The following CPNE4 variants were observed in gnomAD, a reference collection of about 807,000 sequenced individuals.
CPNE4 encodes the protein copine 4, also known as copine-4.
Under a neutral mutation model 67.9 loss-of-function variants are expected in CPNE4, and 25 were observed. The observed-to-expected ratio is 0.37, with a 90% CI of 0.27 to 0.51. The LOEUF (loss-of-function observed/expected upper bound fraction) is 0.51. Among genes scored for constraint, CPNE4 ranks in the 20% least tolerant of loss-of-function variants. CPNE4 has a pLI of 0.93. For missense variants in CPNE4, 464 were observed against 690.8 expected, an observed-to-expected ratio of 0.67 and a Z score of 3.68; for synonymous variants, 242 against 244.9, an observed-to-expected ratio of 0.99 and a Z score of 0.11.
At position 131,840,932 on chromosome 3, in the gene CPNE4, C is replaced by G. The variant is rs557084506; in HGVS notation, c.180+64332G>C. On this transcript the variant is annotated intron_variant, in intron 2 of 15. Coordinates refer to ENST00000429747, the MANE Select transcript of CPNE4 (RefSeq NM_130808.3). ...TTCCTTCTCTTTCTGCTCTCTCCCTCCTGCCTGCACCCACACATTTCTCTG... is the reference window on the plus strand; with the variant it reads ...TTCCTTCTCTTTCTGCTCTCTCCCTGCTGCCTGCACCCACACATTTCTCTG... 1.1e-4 allele frequency among the ~76,000 whole-genome samples: 17 copies of G among 152,258 alleles called. 1 individual carries two copies. Among genetic ancestry groups the G allele is most frequent in the Admixed American group, 5.2e-4 (8 of 15,288 alleles).
At chr3:131,800,593 G>A (rs1215520989) in intron 2 of CPNE4, among the ~76,000 whole-genome samples, 1 of 152,142 alleles carries the variant, frequency 6.6e-6, no homozygotes, top group Non-Finnish European at 1.5e-5. Context: ...GAATAGCCCT[G>A]CATGAGGCCC....
chr3:131,763,038 A>T (rs150496676), intron 2 of CPNE4, among the ~76,000 whole-genome samples: 232 of 152,194 alleles, frequency 1.5e-3, no homozygotes, highest in Middle Eastern at 6.8e-3. Flanking sequence ...ACAAAAAAAC[A>T]ATCTTTTCTA....
intron 2 of CPNE4, among the ~76,000 whole-genome samples, chr3:131,777,502 G>A (rs2083319953): frequency 1.3e-5 from 2 of 151,954 alleles, no homozygotes; most frequent in South Asian, 2.1e-4. Flanking sequence ...GGTAGATGAG[G>A]TTGTCCTGCT....
rs370757027 is a variant in CPNE4, at chr3:131,958,904, C to T, written c.-1-53460G>A. On this transcript the variant is annotated intron_variant, in intron 1 of 15. Coordinates refer to ENST00000429747, the MANE Select transcript of CPNE4 (RefSeq NM_130808.3). ...CGAACTCCCGACCTCGTGATTCGCC[C>T]GACTTGGCCTCCCAAAGTGCTACAA... Among the ~76,000 whole-genome samples, 7 of 149,284 alleles carry T rather than the reference C, an allele frequency of 4.7e-5. No homozygotes were observed. In the East Asian group the frequency reaches 9.9e-4, roughly 21 times the overall value.
At chr3:132,036,128 T>C (rs1047055508), upstream of CPNE4, among the ~76,000 whole-genome samples, 1 of 152,142 alleles carries the variant, frequency 6.6e-6, no homozygotes, top group African/African-American at 2.4e-5. Flanking sequence ...ACAAATAACA[T>C]TTTTCTTCTT....
At chr3:131,909,675 C>T (rs2088904290) in intron 1 of CPNE4, among the ~76,000 whole-genome samples, 1 of 152,036 alleles carries the variant, frequency 6.6e-6, no homozygotes, top group African/African-American at 2.4e-5. Flanking sequence ...TCTCGTTGGC[C>T]ATCATACTTG....
intron 7 of CPNE4, among the ~76,000 whole-genome samples, chr3:131,594,275 G>A (rs1009522904): frequency 3.3e-5 from 5 of 152,116 alleles, no homozygotes; most frequent in Admixed American, 3.3e-4. Context: ...AAATCTGGTG[G>A]CATCACATTT....
At chr3:131,561,945 T>C (rs553303401) in intron 11 of CPNE4, among the ~76,000 whole-genome samples, 80 of 152,196 alleles carry the variant, frequency 5.3e-4, no homozygotes, top group African/African-American at 1.9e-3. Flanking sequence ...TCAATCCTCC[T>C]TCTTCTTCCT....
intron 2 of CPNE4, among the ~76,000 whole-genome samples, chr3:131,765,084 A>T (rs1171627386): frequency 2.6e-5 from 4 of 152,106 alleles, no homozygotes; most frequent in African/African-American, 4.8e-5. Flanking sequence ...TTCTAGCATG[A>T]GGGCCTGTGA....
At chr3:131,799,789 G>A (rs1366639195) in intron 2 of CPNE4, among the ~76,000 whole-genome samples, 1 of 152,106 alleles carries the variant, frequency 6.6e-6, no homozygotes, top group Non-Finnish European at 1.5e-5. Flanking sequence ...TAACGAAGTG[G>A]CCAATGCCAG....
chr3:132,024,444 C>T (rs2074073064), intron 1 of CPNE4, among the ~76,000 whole-genome samples: 1 of 152,012 alleles, frequency 6.6e-6, no homozygotes, highest in African/African-American at 2.4e-5. Flanking sequence ...GTTTGAGCAC[C>T]TATGTTTTAG....
intron 2 of CPNE4, among the ~76,000 whole-genome samples, chr3:131,839,692 T>G (rs1183371412): frequency 2.6e-5 from 4 of 152,126 alleles, no homozygotes; most frequent in Non-Finnish European, 2.9e-5. Context: ...ACACATGGGT[T>G]TGTCACAGCA....
intron 1 of CPNE4, among the ~76,000 whole-genome samples, chr3:132,029,509 T>C (rs1296126776): frequency 6.6e-6 from 1 of 152,182 alleles, no homozygotes; most frequent in Admixed American, 6.5e-5. Context: ...CAGCTCTCTC[T>C]AGTCCGTCCT....
In CPNE4 at chr3:131,977,324, C is replaced by G. The variant is rs912077512; in HGVS notation, c.-2+57243G>C. Reference sequence around the variant, plus strand: ...CCACATAGTTGATGATTAGTCCAAGCAAGACACCATTTTGTTGTCACAGTA... The same window carrying G: ...CCACATAGTTGATGATTAGTCCAAGGAAGACACCATTTTGTTGTCACAGTA... On this transcript the variant is annotated intron_variant, in intron 1 of 15. Coordinates refer to ENST00000429747, the MANE Select transcript of CPNE4 (RefSeq NM_130808.3). 5.3e-5 allele frequency among the ~76,000 whole-genome samples: 8 copies of G among 152,092 alleles called. No individual in the cohort carries two copies. The South Asian group carries it at 1.7e-3, about 31-fold the overall frequency.
chr3:131,858,674 G>A (rs2086551179), intron 2 of CPNE4, among the ~76,000 whole-genome samples: 1 of 152,052 alleles, frequency 6.6e-6, no homozygotes, highest in Non-Finnish European at 1.5e-5. Context: ...TCTTCCCAAG[G>A]TTATGGCAAC....
chr3:131,825,943 C>T (rs1356960999), intron 2 of CPNE4, among the ~76,000 whole-genome samples: 1 of 152,186 alleles, frequency 6.6e-6, no homozygotes, highest in African/African-American at 2.4e-5. Context: ...GCCCTTGGGT[C>T]TTTATAGGCC....
At chr3:131,971,058 C>T (rs1032527306) in intron 1 of CPNE4, among the ~76,000 whole-genome samples, 3 of 152,186 alleles carry the variant, frequency 2.0e-5, no homozygotes, top group African/African-American at 7.2e-5. Context: ...GGTCACTCAG[C>T]GGTGTTCATC....
intron 2 of CPNE4, among the ~76,000 whole-genome samples, chr3:131,824,202 A>G (rs1287903478): frequency 2.0e-5 from 3 of 152,236 alleles, no homozygotes; most frequent in African/African-American, 7.2e-5. Context: ...GAGAAGCCCC[A>G]TCTAACACTG....
chr3:131,613,298 T>C (rs996542430), intron 7 of CPNE4, among the ~76,000 whole-genome samples: 1 of 152,196 alleles, frequency 6.6e-6, no homozygotes, highest in Non-Finnish European at 1.5e-5. Context: ...CACAAAACCA[T>C]ACATTTTTCA....
Sources: allele counts gnomAD v4.1 joint callset (sites outside exome capture counted in the v4.1 genomes callset), GRCh38; gene constraint gnomAD v4.1.1; transcripts MANE v1.5; gene names NCBI Gene and HGNC (gene_info 2026-07-23, HGNC 2026-07-21).